KDM4C: variants seen among roughly 807,000 people sequenced by gnomAD.
The protein encoded by KDM4C is lysine-specific demethylase 4C.
In KDM4C, 81 loss-of-function variants were observed where a neutral mutation model predicts 129.3. The ratio of observed to expected loss-of-function variants is 0.63; its 90% CI spans 0.52 to 0.75. The LOEUF is 0.75. KDM4C is among the 30% of genes least tolerant of loss of function. The pLI, the probability that KDM4C is intolerant of heterozygous loss-of-function variation, is 0.00. For synonymous variants in KDM4C, 573 were observed against 456.1 expected (o/e 1.26, Z -3.26); for missense variants, 1,457 against 1,304.0 (o/e 1.12, Z -1.81).
chr9:6,746,266 T>G (rs1374262476), intron 1 of KDM4C, among the ~76,000 whole-genome samples: 1,187 of 84,138 alleles, frequency 0.014, 15 homozygotes, highest in African/African-American at 0.067. Context: ...ATATATGTTT[T>G]TTTTTTTTTT....
At chr9:6,845,778 C>T (rs969327589) in intron 4 of KDM4C, among the ~76,000 whole-genome samples, 1 of 152,196 alleles carries the variant, frequency 6.6e-6, no homozygotes, top group Non-Finnish European at 1.5e-5. Context: ...CATTGGAAGT[C>T]AGGTGAGTTA....
At chr9:6,947,171 T>G (rs1249808753) in intron 8 of KDM4C, among the ~76,000 whole-genome samples, 2 of 152,344 alleles carry the variant, frequency 1.3e-5, no homozygotes, top group Non-Finnish European at 1.5e-5. Flanking sequence ...CAAATTTCTC[T>G]GAAGAATGTC....
intron 21 of KDM4C, chr9:7,170,486 A>G (rs1305772955): frequency 1.2e-5 from 12 of 981,596 alleles, no homozygotes; most frequent in Non-Finnish European, 1.5e-5. Flanking sequence ...CTCACATACC[A>G]TTAAAAGATG....
rs368376291 is a variant in KDM4C at position 6,879,997 on chromosome 9, T to C, written c.630-15T>C. On this transcript the variant is annotated splice_polypyrimidine_tract_variant and intron_variant, in intron 5 of 21. Coordinates refer to ENST00000381309, the MANE Select transcript of KDM4C (RefSeq NM_015061.6). ...ATTATAAACCTAAAATTTTTACTTA[T>C]GTTTAAAATTTTAGGTATGCTATAC... 31 of 1,475,868 alleles carry C rather than the reference T, an allele frequency of 2.1e-5. No individual in the cohort carries two copies. Among genetic ancestry groups the C allele is most frequent in the African/African-American group, 1.6e-4 (11 of 70,880 alleles). The allele number at this position is 1,475,868 out of a possible 1,614,324, so 91.4% of individuals were successfully genotyped here. A position where few individuals can be genotyped will look rare whatever the true frequency, so the allele number is the denominator to read the frequency against.
At chr9:6,980,862 C>G in intron 8 of KDM4C, 63 bp from the exon 9 acceptor site, 1 of 1,410,392 alleles carries the variant, frequency 7.1e-7, no homozygotes, top group Non-Finnish European at 1.0e-6. Context: ...GTTCAAGGAC[C>G]AACTCTGTGT....
chr9:6,855,917 T>A (rs966375313), intron 5 of KDM4C, among the ~76,000 whole-genome samples: 1 of 152,228 alleles, frequency 6.6e-6, no homozygotes, highest in Non-Finnish European at 1.5e-5. Context: ...TAAATTTTCT[T>A]TTTTATAGAG....
intron 15 of KDM4C, among the ~76,000 whole-genome samples, chr9:7,030,253 G>A (rs1320162337): frequency 6.6e-6 from 1 of 151,986 alleles, no homozygotes; most frequent in Non-Finnish European, 1.5e-5. Flanking sequence ...AGAGGTGGTG[G>A]GTAAGAGAAA....
chr9:7,112,050 C>T (rs988591898), intron 18 of KDM4C, among the ~76,000 whole-genome samples: 1 of 152,022 alleles, frequency 6.6e-6, no homozygotes, highest in Admixed American at 6.6e-5. Context: ...CTGTCTCTCA[C>T]ATGCGCCCAC....
chr9:7,083,711 A>ATTGTGTG (rs1554730845), intron 17 of KDM4C, among the ~76,000 whole-genome samples: 5 of 143,224 alleles, frequency 3.5e-5, no homozygotes, highest in South Asian at 2.3e-4. Context: ...CACATGACTG[A>ATTGTGTG]TGTGTGTGTG....
chr9:6,759,270 G>A (rs896789701), intron 1 of KDM4C, among the ~76,000 whole-genome samples: 3 of 152,120 alleles, frequency 2.0e-5, no homozygotes, highest in Admixed American at 6.6e-5. Flanking sequence ...TCAGTTTGCG[G>A]TATTTAAAAA....
intron 21 of KDM4C, among the ~76,000 whole-genome samples, chr9:7,171,944 C>T (rs747766403): frequency 5.1e-4 from 77 of 152,270 alleles, no homozygotes; most frequent in Non-Finnish European, 7.6e-4. Context: ...GGAACAAAGG[C>T]TCACGGTCAC....
At chr9:6,922,421 A>G (rs1821706701) in intron 8 of KDM4C, among the ~76,000 whole-genome samples, 1 of 152,226 alleles carries the variant, frequency 6.6e-6, no homozygotes, top group Admixed American at 6.5e-5. Context: ...TAAAAGAAGT[A>G]GAATTCCTGG....
intron 4 of KDM4C, among the ~76,000 whole-genome samples, chr9:6,847,669 C>T (rs1464473131): frequency 2.6e-5 from 4 of 152,152 alleles, no homozygotes; most frequent in Admixed American, 6.5e-5. Flanking sequence ...GGATTACAGG[C>T]GTGAGTCTCC....
At chr9:6,808,501 TCGTTAAGAG>T (rs2131067860) in intron 3 of KDM4C, among the ~76,000 whole-genome samples, 1 of 143,816 alleles carries the variant, frequency 7.0e-6, no homozygotes, top group South Asian at 2.3e-4. Flanking sequence ...GGCAGCATGC[TCGTTAAGAG>T]TCATTACCAA....
chr9:6,915,394 T>C (rs1215406315), intron 8 of KDM4C, among the ~76,000 whole-genome samples: 1 of 152,238 alleles, frequency 6.6e-6, no homozygotes, highest in Non-Finnish European at 1.5e-5. Context: ...TCATTTTTGC[T>C]GTATTGTCTT....
At chr9:7,122,286 T>TCTC (rs1554752013) in intron 18 of KDM4C, among the ~76,000 whole-genome samples, 2 of 87,720 alleles carry the variant, frequency 2.3e-5, no homozygotes, top group African/African-American at 8.1e-5. Flanking sequence ...CTCTCTCTCT[T>TCTC]AAACAGCCAG....
intron 8 of KDM4C, among the ~76,000 whole-genome samples, chr9:6,942,212 C>G (rs1826073675): frequency 6.6e-6 from 1 of 151,630 alleles, no homozygotes; most frequent in African/African-American, 2.4e-5. Context: ...GTATTTGGCT[C>G]CCTTTTCCCT....
chr9:7,069,703 A>G (rs1304059714), intron 17 of KDM4C, among the ~76,000 whole-genome samples: 1 of 152,244 alleles, frequency 6.6e-6, no homozygotes, highest in Admixed American at 6.5e-5. Context: ...ATGTAATTTT[A>G]TCACATGGAA....
chr9:7,156,810 G>T (rs1252356698), intron 19 of KDM4C, among the ~76,000 whole-genome samples: 2 of 152,072 alleles, frequency 1.3e-5, no homozygotes, highest in African/African-American at 4.8e-5. Flanking sequence ...TTGTTCTTTT[G>T]GCTTAGGATT....
Sources: allele counts gnomAD v4.1 joint callset (sites outside exome capture counted in the v4.1 genomes callset), GRCh38; gene constraint gnomAD v4.1.1; transcripts MANE v1.5; gene names NCBI Gene and HGNC (gene_info 2026-07-23, HGNC 2026-07-21).